The following OPCML variants were observed in gnomAD, a reference collection of about 807,000 sequenced individuals.
OPCML encodes the protein opioid-binding protein/cell adhesion molecule.
A neutral mutation model predicts 37.8 loss-of-function variants in OPCML; 13 were observed. The ratio of observed to expected loss-of-function variants is 0.34; its 90% CI spans 0.22 to 0.55. OPCML has a LOEUF of 0.55. Among genes scored for constraint, OPCML ranks in the 20% least tolerant of loss-of-function variants. The pLI is 0.91. For synonymous variants in OPCML, 176 were observed against 168.8 expected (o/e 1.04, Z -0.33); for missense variants, 341 against 435.6 (o/e 0.78, Z 1.93).
intron 4 of OPCML, among the ~76,000 whole-genome samples, chr11:132,523,418 C>T (rs1383305154): frequency 7.4e-6 from 1 of 134,512 alleles, no homozygotes; most frequent in East Asian, 2.0e-4. Flanking sequence ...TTCCTGAAAG[C>T]TAATGCCCTA....
At chr11:133,025,217 A>G (rs893590916) in intron 1 of OPCML, 1 of 693,406 alleles carries the variant, frequency 1.4e-6, no homozygotes, top group Non-Finnish European at 1.8e-6. Flanking sequence ...TAGTTCATAG[A>G]AATGTAAATT....
intron 3 of OPCML, among the ~76,000 whole-genome samples, chr11:132,636,170 C>A (rs1411518736): frequency 6.6e-6 from 1 of 151,896 alleles, no homozygotes; most frequent in Non-Finnish European, 1.5e-5. Flanking sequence ...TAAAATTGTT[C>A]TAAATTATCT....
chr11:132,620,397 A>T (rs1939327294), intron 3 of OPCML, among the ~76,000 whole-genome samples: 1 of 152,238 alleles, frequency 6.6e-6, no homozygotes, highest in African/African-American at 2.4e-5. Flanking sequence ...TTAATATGTT[A>T]AGGAATTTTT....
intron 1 of OPCML, among the ~76,000 whole-genome samples, chr11:133,419,753 T>A (rs1370684317): frequency 6.6e-6 from 1 of 152,208 alleles, no homozygotes; most frequent in Non-Finnish European, 1.5e-5. Flanking sequence ...AAAATGTTAA[T>A]AATAATAGAG....
At chr11:132,450,911 T>C (rs879881286) in intron 4 of OPCML, among the ~76,000 whole-genome samples, 10 of 152,160 alleles carry the variant, frequency 6.6e-5, no homozygotes, top group African/African-American at 7.2e-5. Flanking sequence ...TTAGCTCTAA[T>C]TTTCGATAGT....
At chr11:132,924,771 A>G (rs1302183568) in intron 2 of OPCML, among the ~76,000 whole-genome samples, 3 of 152,160 alleles carry the variant, frequency 2.0e-5, no homozygotes, top group African/African-American at 4.8e-5. Context: ...ATCCTGCTCA[A>G]TGTTCTCTGA....
intron 1 of OPCML, among the ~76,000 whole-genome samples, chr11:133,468,705 A>G (rs1309014881): frequency 6.6e-6 from 1 of 152,168 alleles, no homozygotes; most frequent in African/African-American, 2.4e-5. Context: ...AGCTGAGAGA[A>G]AAAGGCTTTT....
intron 7 of OPCML, among the ~76,000 whole-genome samples, chr11:132,427,581 T>C (rs987770456): frequency 8.5e-5 from 13 of 152,174 alleles, no homozygotes. Context: ...TTTCTTCTGT[T>C]CTCCTTAACA....
chr11:132,548,275 G>C (rs960215378), intron 3 of OPCML, among the ~76,000 whole-genome samples: 4 of 152,190 alleles, frequency 2.6e-5, no homozygotes, highest in Non-Finnish European at 5.9e-5. Flanking sequence ...GGCTCTAAAG[G>C]AAGTAGGGCA....
chr11:133,031,999 C>T (rs193237892), intron 1 of OPCML, among the ~76,000 whole-genome samples: 44 of 152,256 alleles, frequency 2.9e-4, no homozygotes, highest in African/African-American at 1.0e-3. Context: ...AGACTGATTG[C>T]CATTTATCTG....
intron 1 of OPCML, among the ~76,000 whole-genome samples, chr11:133,098,846 TA>T (rs1949043713): frequency 6.6e-6 from 1 of 152,100 alleles, no homozygotes; most frequent in Admixed American, 6.6e-5. Flanking sequence ...AAAGAAAATA[TA>T]ATGCATATAG....
chr11:132,703,683 C>T (rs573354585), intron 2 of OPCML, among the ~76,000 whole-genome samples: 1 of 152,174 alleles, frequency 6.6e-6, no homozygotes, highest in Admixed American at 6.5e-5. Context: ...AAGAGACTGA[C>T]CTGGCACCTG....
chr11:132,424,006 G>A (rs1592152499), intron 7 of OPCML, among the ~76,000 whole-genome samples: 1 of 152,208 alleles, frequency 6.6e-6, no homozygotes, highest in Non-Finnish European at 1.5e-5. Flanking sequence ...TACCCAAGAT[G>A]ATACAATTTT....
chr11:133,160,417 A>C (rs1008446442), intron 1 of OPCML, among the ~76,000 whole-genome samples: 10 of 152,222 alleles, frequency 6.6e-5, no homozygotes, highest in Non-Finnish European at 1.3e-4. Flanking sequence ...GACAGTAAGT[A>C]AAGTCAGCAG....
chr11:133,041,684 C>G (rs931415509), intron 1 of OPCML, among the ~76,000 whole-genome samples: 1 of 152,164 alleles, frequency 6.6e-6, no homozygotes, highest in Non-Finnish European at 1.5e-5. Flanking sequence ...TCCAAAGAAT[C>G]TTCTATCAGC....
chr11:133,125,673 A>G (rs1949492163), intron 1 of OPCML, among the ~76,000 whole-genome samples: 1 of 122,398 alleles, frequency 8.2e-6, no homozygotes. Flanking sequence ...TATATAGTAT[A>G]GTATATGTAT....
At chr11:133,112,676 C>A (rs947472336) in intron 1 of OPCML, among the ~76,000 whole-genome samples, 1 of 152,142 alleles carries the variant, frequency 6.6e-6, no homozygotes, top group African/African-American at 2.4e-5. Flanking sequence ...GTCCCAGGTT[C>A]ACCAGTCCTG....
intron 1 of OPCML, among the ~76,000 whole-genome samples, chr11:133,403,989 C>A (rs1302160544): frequency 1.3e-5 from 2 of 152,182 alleles, no homozygotes; most frequent in Non-Finnish European, 2.9e-5. Flanking sequence ...GACATTTATT[C>A]TCTCACAGTT....
At chr11:132,914,273 T>A (rs1263993552) in intron 2 of OPCML, among the ~76,000 whole-genome samples, 2 of 152,196 alleles carry the variant, frequency 1.3e-5, no homozygotes, top group Admixed American at 6.5e-5. Context: ...TCCACAATGC[T>A]TAGTGTCTTC....
Sources: gnomAD v4.1 joint callset for allele counts (sites outside exome capture counted in the v4.1 genomes callset) on GRCh38, gnomAD v4.1.1 for gene constraint, MANE v1.5 for transcripts, NCBI Gene and HGNC (gene_info 2026-07-23, HGNC 2026-07-21) for gene names.